Variants in N4BP2 observed in about 807,000 individuals in gnomAD.
N4BP2 encodes NEDD4 binding protein 2, also known as NEDD4-binding protein 2.
N4BP2 carries 91 observed loss-of-function variants against 152.8 expected under a neutral mutation model. The ratio of observed to expected loss-of-function variants is 0.60; its 90% CI spans 0.50 to 0.71. The LOEUF is 0.71. N4BP2 is among the 30% of genes least tolerant of loss of function. The pLI is 0.00. For synonymous variants in N4BP2, 646 were observed against 705.3 expected, an observed-to-expected ratio of 0.92 and a Z score of 1.33; for missense variants, 1,923 against 2,059.1, an observed-to-expected ratio of 0.93 and a Z score of 1.28.
the N4BP2 span, among the ~76,000 whole-genome samples, chr4:40,176,924 C>T: frequency 2.0e-5 from 3 of 152,216 alleles, no homozygotes; most frequent in Non-Finnish European, 4.4e-5. Flanking sequence ...TGTTTTCCCC[C>T]GCTTTTTTCC....
chr4:40,093,432 A>T (rs1351921320), intron 2 of N4BP2, among the ~76,000 whole-genome samples: 1 of 151,090 alleles, frequency 6.6e-6, no homozygotes, highest in Non-Finnish European at 1.5e-5. Flanking sequence ...TTTGAGACAG[A>T]GTCTTGCCGT....
At chr4:40,067,746 T>C (rs1041761765) in intron 1 of N4BP2, among the ~76,000 whole-genome samples, 1 of 152,114 alleles carries the variant, frequency 6.6e-6, no homozygotes, top group African/African-American at 2.4e-5. Context: ...TCACCCAGGG[T>C]GGAGTACAGT....
the N4BP2 span, among the ~76,000 whole-genome samples, chr4:40,166,318 G>T: frequency 6.6e-6 from 1 of 152,166 alleles, no homozygotes; most frequent in East Asian, 1.9e-4. Context: ...AGAGGTAGGA[G>T]AATTAGATTT....
chr4:40,067,054 CTTTTTTTTTTTT>C (rs34768159), intron 1 of N4BP2, among the ~76,000 whole-genome samples: 1 of 91,616 alleles, frequency 1.1e-5, no homozygotes, highest in Non-Finnish European at 2.1e-5. Flanking sequence ...ACCTAATTTC[CTTTTTTTTTTTT>C]TTTTTTTTTG....
Position 40,065,879 on chromosome 4 carries a change from G to A in N4BP2, c.-211-7576G>A, listed in dbSNP as rs139094515. ...CATGCGCAGTTACTGGGGAGTACAA[G>A]TATCTAGTAGAGTATTTTGCACATA... On this transcript the variant is annotated intron_variant, in intron 1 of 17. Coordinates refer to ENST00000261435, the MANE Select transcript of N4BP2 (RefSeq NM_018177.6). Among the ~76,000 whole-genome samples, 1,096 of 152,056 alleles carry A rather than the reference G, an allele frequency of 7.2e-3. 9 individuals carry two copies. The highest frequency in any genetic ancestry group is 0.025 in the African/African-American group (1,020 of 41,468).
Position 40,122,923 on chromosome 4 carries a change from A to G in N4BP2, c.4199-204A>G, listed in dbSNP as rs897933620. The stretch of plus-strand genomic sequence containing the variant: ...ACTTAGATTTACTGTGAAGCTTTGT[A>G]TAACTGCAGTAGTCAAGAAGTGTGA... On this transcript the variant is annotated intron_variant, in intron 9 of 17. Transcript: ENST00000261435. 2.6e-4 allele frequency among the ~76,000 whole-genome samples: 39 copies of G among 152,264 alleles called. 1 individual carries two copies. The highest frequency in any genetic ancestry group is 7.5e-4 in the African/African-American group (31 of 41,474).
At chr4:40,177,689 T>C in the N4BP2 span, among the ~76,000 whole-genome samples, 1 of 152,176 alleles carries the variant, frequency 6.6e-6, no homozygotes, top group African/African-American at 2.4e-5. Flanking sequence ...CGTGTGAGGA[T>C]ATCTGATTTT....
chr4:40,185,662 T>G, the N4BP2 span, among the ~76,000 whole-genome samples: 4 of 152,174 alleles, frequency 2.6e-5, no homozygotes, highest in African/African-American at 7.2e-5. Flanking sequence ...TATGTGGTTT[T>G]TAAAAAAAGC....
chr4:40,074,722 C>A (rs578051670), intron 2 of N4BP2, among the ~76,000 whole-genome samples: 12 of 152,034 alleles, frequency 7.9e-5, no homozygotes, highest in East Asian at 7.8e-4. Context: ...AAAGGCCAGT[C>A]TTGGCTGGGC....
At chr4:40,062,734 A>G (rs1040962917) in intron 1 of N4BP2, among the ~76,000 whole-genome samples, 11 of 152,046 alleles carry the variant, frequency 7.2e-5, no homozygotes, top group South Asian at 2.1e-4. Flanking sequence ...AGAAGCTTCT[A>G]TCTGTCTGGA....
chr4:40,142,200 G>A, intron 14 of N4BP2: 1 of 239,658 alleles, frequency 4.2e-6, no homozygotes, highest in Non-Finnish European at 8.4e-6. Context: ...TTCAGCCTCT[G>A]CACTTATTCT....
chr4:40,086,512 A>G (rs1320084660), intron 2 of N4BP2, among the ~76,000 whole-genome samples: 2 of 151,306 alleles, frequency 1.3e-5, no homozygotes, highest in East Asian at 3.9e-4. Flanking sequence ...TAATTTTTGT[A>G]TTTGTAGTAG....
At chr4:40,123,286 A>C (rs1718104452) in intron 10 of N4BP2, 74 bp downstream of exon 10, 2 of 1,009,210 alleles carry the variant, frequency 2.0e-6, no homozygotes, top group Non-Finnish European at 3.1e-6. Context: ...GAAATCTACC[A>C]CATAATATTA....
intron 2 of N4BP2, among the ~76,000 whole-genome samples, chr4:40,078,799 A>G (rs1333837570): frequency 1.3e-5 from 2 of 152,090 alleles, no homozygotes; most frequent in African/African-American, 2.4e-5. Context: ...AAGTGCTGGG[A>G]TTACAGGGAT....
chr4:40,144,539 T>C (rs966729686), intron 15 of N4BP2, 93 bp from the exon 16 acceptor site: 22 of 979,230 alleles, frequency 2.2e-5, no homozygotes, highest in East Asian at 5.0e-5. Flanking sequence ...ATTCCCTTTT[T>C]CCCCCTTCCT....
At chr4:40,091,668 T>A (rs1277830843) in intron 2 of N4BP2, among the ~76,000 whole-genome samples, 2 of 143,758 alleles carry the variant, frequency 1.4e-5, no homozygotes, top group Admixed American at 1.5e-4. Context: ...CATAGTGGTG[T>A]GATCATGGCT....
chr4:40,074,791 G>T (rs1388669170), intron 2 of N4BP2, among the ~76,000 whole-genome samples: 1 of 151,998 alleles, frequency 6.6e-6, no homozygotes, highest in African/African-American at 2.4e-5. Context: ...CAGATCACTT[G>T]AGGCCAGGAG....
chr4:40,097,763 G>A (rs1408984547), intron 3 of N4BP2, among the ~76,000 whole-genome samples, 194 bp downstream of exon 3: 1 of 152,180 alleles, frequency 6.6e-6, no homozygotes, highest in East Asian at 1.9e-4. Context: ...CATATTTTCT[G>A]CTCTTGAGAA....
At chr4:40,171,069 T>G in the N4BP2 span, among the ~76,000 whole-genome samples, 1 of 152,224 alleles carries the variant, frequency 6.6e-6, no homozygotes, top group Non-Finnish European at 1.5e-5. Flanking sequence ...GATGCCCAGT[T>G]TAATGATTGT....
Sources: gnomAD v4.1 joint callset for allele counts (sites outside exome capture counted in the v4.1 genomes callset) on GRCh38, gnomAD v4.1.1 for gene constraint, MANE v1.5 for transcripts, NCBI Gene and HGNC (gene_info 2026-07-23, HGNC 2026-07-21) for gene names.